Variants in INO80B observed in about 807,000 individuals in gnomAD.
INO80B encodes IES2 homolog.
INO80B carries 18 observed loss-of-function variants against 31.4 expected under a neutral mutation model. The ratio of observed to expected loss-of-function variants is 0.57; its 90% CI spans 0.40 to 0.85. The LOEUF is 0.85. Ranked by LOEUF, INO80B falls within the 40% of genes least tolerant of loss-of-function variation. The pLI, the probability that INO80B is intolerant of heterozygous loss-of-function variation, is 0.00. For missense variants in INO80B, 469 were observed against 475.4 expected, an observed-to-expected ratio of 0.99 and a Z score of 0.13; for synonymous variants, 238 against 199.0, an observed-to-expected ratio of 1.20 and a Z score of -1.65.
At chr2:74,457,268 C>G (rs1314472453) in intron 4 of INO80B, 66 bp from the exon 5 acceptor site, 2 of 1,514,342 alleles carry the variant, frequency 1.3e-6, no homozygotes, top group African/African-American at 2.8e-5. Flanking sequence ...CTCCCCCGAT[C>G]TGGCCGACCT....
At chr2:74,456,296 A>T in intron 4 of INO80B, 24 bp downstream of exon 4, 1 of 1,613,022 alleles carries the variant, frequency 6.2e-7, no homozygotes, top group Non-Finnish European at 8.5e-7. Context: ...TTGTTTATTC[A>T]CTCACCAAAT....
At position 74,457,704 on chromosome 2, in the gene INO80B, G is replaced by C; in HGVS notation, c.911G>C (p.Gly304Ala). 6.3e-7 allele frequency: 1 copy of C among 1,599,590 alleles called. No homozygotes were observed. The highest frequency in any genetic ancestry group is 8.5e-7 in the Non-Finnish European group (1 of 1,179,182). Reference sequence around the variant, plus strand: ...GTGTCTCAGCGGCCATCCCCCTCAGGCCCGCCGCCGCGCTGCTCTGTCCCC... The same window carrying C: ...GTGTCTCAGCGGCCATCCCCCTCAGCCCCGCCGCCGCGCTGCTCTGTCCCC... ...TAVSQRPSPS[G>A]PPPRCSVPGC... is the part of the protein sequence containing the mutation. Residue 304 changes from glycine (G) to alanine (A), a missense_variant, in exon 5 of 5, where the codon GGC becomes GCC. By Grantham distance (60) the Gly-to-Ala change is moderately conservative. Transcript: ENST00000233331.
rs774133134 is a variant in INO80B, at chr2:74,457,894, C to T, written c.*30C>T. The T allele has an allele frequency of 2.9e-5, 44 of 1,500,156 alleles. No individual in the cohort carries two copies. In the South Asian group the frequency reaches 5.3e-4, roughly 18 times the overall value. The allele number at this position is 1,500,156 out of a possible 1,614,324, so 92.9% of individuals were successfully genotyped here. On this transcript the variant is annotated 3_prime_UTR_variant, in exon 5 of 5. Transcript: ENST00000233331. ...CTTAACCCGGACTCTGCGCCCCGTC[C>T]CATGCCCGCTCTTGAGTATCTTCCC...
chr2:74,455,488 CAAG>C lies in INO80B; in HGVS notation c.147_149del (p.Lys50del), dbSNP rs1671668453. On this transcript the variant is annotated inframe_deletion, in exon 2 of 5. Transcript: ENST00000233331. ...AACACAAGAAGCACAAGAAGAAACACAAGAAGAAACACCATCAGGAAGAAGACG... is the reference window on the plus strand; with the variant it reads ...AACACAAGAAGCACAAGAAGAAACACAAGAAACACCATCAGGAAGAAGACG... The C allele has an allele frequency of 6.2e-7, 1 of 1,613,988 alleles. No homozygotes were observed. Among genetic ancestry groups the C allele is most frequent in the Non-Finnish European group, 8.5e-7 (1 of 1,180,028 alleles).
chr2:74,456,359 GA>G (rs1225624736), intron 4 of INO80B, 87 bp downstream of exon 4: 1 of 1,351,220 alleles, frequency 7.4e-7, no homozygotes, highest in African/African-American at 1.4e-5. Context: ...TGGCATTGGG[GA>G]TATCGATAGT....
At chr2:74,455,245 C>G (rs1671662193) in intron 1 of INO80B, 71 bp downstream of exon 1, 1 of 1,575,260 alleles carries the variant, frequency 6.3e-7, no homozygotes, top group South Asian at 1.1e-5. Context: ...CTCGGAGAGT[C>G]CAGGGTACTT....
Position 74,457,560 on chromosome 2 carries a change from G to T in INO80B, c.767G>T (p.Gly256Val). ...ACCAGTGGGCGGGGAGGCCGGGGGGGCGCACGGGGCGAGCGGCGGGGAGGG... is the reference window on the plus strand; with the variant it reads ...ACCAGTGGGCGGGGAGGCCGGGGGGTCGCACGGGGCGAGCGGCGGGGAGGG... ...AATSGRGGRG[G>V]ARGERRGGRA... The change falls in exon 5 of 5, where the codon GGC (glycine) becomes GTC (valine). Residue 256 changes from glycine (G) to valine (V), a missense_variant. Transcript: ENST00000233331. 3 of 1,516,824 alleles carry T rather than the reference G, an allele frequency of 2.0e-6. No individual in the cohort carries two copies. The highest frequency in any genetic ancestry group is 2.5e-5 in the East Asian group (1 of 39,768). 94.0% of individuals were successfully genotyped at this position (1,516,824 alleles called of 1,614,324 possible).
rs1301359723 is a variant in INO80B, at chr2:74,457,691, C to T, written c.898C>T (p.Pro300Ser). Residue 300 changes from proline to serine, a missense_variant, in exon 5 of 5, where the codon CCA becomes TCA. Physicochemically the swap from Pro to Ser is moderately conservative, Grantham distance 74 (BLOSUM62 -1). Transcript: ENST00000233331. ...VPAPTAVSQR[P>S]SPSGPPPRCS... ...CGCCCCCACGGCAGTGTCTCAGCGG[C>T]CATCCCCCTCAGGCCCGCCGCCGCG... 6.3e-7 allele frequency: 1 copy of T among 1,599,386 alleles called. No homozygotes were observed.
Position 74,455,415 on chromosome 2 carries a change from T to C in INO80B, c.68T>C (p.Leu23Pro). Residue 23 changes from leucine (L) to proline (P), a missense_variant, in exon 2 of 5, where the codon CTG (leucine) becomes CCG (proline). Physicochemically the swap from Leu to Pro is moderately conservative, Grantham distance 98 (BLOSUM62 -3). This residue lies in a region of INO80B where 223 missense variants were observed against 253.4 expected (regional missense o/e 0.88). Transcript: ENST00000233331. Reference protein sequence around the residue: ...AMEAPEPGEALELSLAGAHGH... With the variant: ...AMEAPEPGEAPELSLAGAHGH... ...GGCTTTCCTTCCACAGGAGAAGCCC[T>C]GGAGTTGAGCCTGGCGGGTGCCCAT... 1 of 1,614,124 alleles carries C rather than the reference T, an allele frequency of 6.2e-7. No individual in the cohort carries two copies. The highest frequency in any genetic ancestry group is 8.5e-7 in the Non-Finnish European group (1 of 1,180,034).
rs545862487 is a variant in INO80B, at chr2:74,455,885, G to A, written c.319G>A (p.Glu107Lys). The part of the protein sequence containing the change: ...SPSPLMVVDN[E>K]EEPMEGVPLE... ...CTCTCCCCTTATGGTTGTGGATAAT[G>A]AAGAGGAACCTATGGAAGGAGTCCC... The change falls in exon 3 of 5, where the codon GAA (glutamate) becomes AAA (lysine). Residue 107 changes from glutamate to lysine, a missense_variant. Around this residue, in one of 3 missense-constraint regions of INO80B, gnomAD observed 223 missense variants for 253.4 expected, o/e 0.88. Coordinates refer to ENST00000233331, the MANE Select transcript of INO80B (RefSeq NM_031288.4). The A allele has an allele frequency of 1.2e-6, 2 of 1,614,020 alleles. No individual in the cohort carries two copies. The highest frequency in any genetic ancestry group is 1.7e-5 in the Admixed American group (1 of 60,022).
rs1358273011 is a variant in INO80B, at chr2:74,456,210, G to T, written c.478G>T (p.Glu160Ter). The T allele has an allele frequency of 6.8e-6, 11 of 1,614,042 alleles. No individual in the cohort carries two copies. Among genetic ancestry groups the T allele is most frequent in the Non-Finnish European group, 9.3e-6 (11 of 1,180,018 alleles). ...QRWLDALEKGELDDNGDLKKE... is the reference protein window; with the variant it reads ...QRWLDALEKG ...GTGGCTGGATGCCCTGGAGAAGGGG[G>T]AGCTGGATGACAATGGAGACCTCAA... The change falls in exon 4 of 5, where the codon GAG (glutamate) becomes TAG (stop). Residue 160 changes from glutamate (E) to a stop codon, truncating the protein, a stop_gained. Transcript: ENST00000233331. LOFTEE classifies it high-confidence loss of function.
intron 1 of INO80B, 85 bp downstream of exon 1, chr2:74,455,259 C>T: frequency 6.4e-7 from 1 of 1,553,932 alleles, no homozygotes; most frequent in Non-Finnish European, 8.9e-7. Flanking sequence ...GGTACTTCGG[C>T]CACAGGTGGC....
intron 4 of INO80B, among the ~76,000 whole-genome samples, chr2:74,456,902 G>C (rs1671720049): frequency 1.3e-5 from 2 of 152,214 alleles, no homozygotes; most frequent in Admixed American, 6.5e-5. Flanking sequence ...CTATATTTTG[G>C]AAGTAGATAC....
chr2:74,456,392 T>C (rs1671702716), intron 4 of INO80B, 120 bp downstream of exon 4: 1 of 954,646 alleles, frequency 1.0e-6, no homozygotes, highest in African/African-American at 1.6e-5. Context: ...AAAGTTTCTG[T>C]TCTCCTGGAG....
chr2:74,456,670 A>G (rs1272228075), intron 4 of INO80B, among the ~76,000 whole-genome samples: 2 of 152,212 alleles, frequency 1.3e-5, no homozygotes, highest in Non-Finnish European at 2.9e-5. Context: ...GGAGAAGAAA[A>G]AGTGGACAAG....
intron 4 of INO80B, 86 bp from the exon 5 acceptor site, chr2:74,457,248 C>A: frequency 7.0e-7 from 1 of 1,426,562 alleles, no homozygotes; most frequent in Non-Finnish European, 9.5e-7. Context: ...TTCCATGTCC[C>A]TTCTTTCCCC....
chr2:74,455,121 G>A lies in INO80B; in HGVS notation c.5G>A (p.Ser2Asn). Residue 2 changes from serine to asparagine, a missense_variant, in exon 1 of 5, where the codon AGT becomes AAT. Ser to Asn is a conservative substitution (Grantham distance 46). Transcript: ENST00000233331. ...CCCCTTTCCTCGCAGGACCTCATGA[G>A]TAAGCTGTGGCGGCGTGGGAGCACC... M[S>N]KLWRRGSTSG... The A allele has an allele frequency of 6.2e-7, 1 of 1,614,220 alleles. No individual in the cohort carries two copies. Among genetic ancestry groups the A allele is most frequent in the Non-Finnish European group, 8.5e-7 (1 of 1,180,026 alleles).
In INO80B at chr2:74,457,875, C is replaced by G; in HGVS notation, c.*11C>G. On this transcript the variant is annotated 3_prime_UTR_variant, in exon 5 of 5. Transcript: ENST00000233331. ...CTTTTGGCTACGTAAGGCCCTTAACCCGGACTCTGCGCCCCGTCCCATGCC... is the reference window on the plus strand; with the variant it reads ...CTTTTGGCTACGTAAGGCCCTTAACGCGGACTCTGCGCCCCGTCCCATGCC... 1 of 1,518,772 alleles carries G rather than the reference C, an allele frequency of 6.6e-7. No homozygotes were observed. Among genetic ancestry groups the G allele is most frequent in the South Asian group, 1.3e-5 (1 of 79,640 alleles). The allele number at this position is 1,518,772 out of a possible 1,614,324, so 94.1% of individuals were successfully genotyped here.
In INO80B at chr2:74,457,868, C is replaced by G. The variant is rs1182754117; in HGVS notation, c.*4C>G. ...ATCCCCCCTTTTGGCTACGTAAGGCCCTTAACCCGGACTCTGCGCCCCGTC... is the reference window on the plus strand; with the variant it reads ...ATCCCCCCTTTTGGCTACGTAAGGCGCTTAACCCGGACTCTGCGCCCCGTC... On this transcript the variant is annotated 3_prime_UTR_variant, in exon 5 of 5. Coordinates refer to ENST00000233331, the MANE Select transcript of INO80B (RefSeq NM_031288.4). The G allele has an allele frequency of 6.5e-6, 10 of 1,530,866 alleles. No individual in the cohort carries two copies. The highest frequency in any genetic ancestry group is 8.7e-6 in the Non-Finnish European group (10 of 1,146,102). The allele number at this position is 1,530,866 out of a possible 1,614,324, so 94.8% of individuals were successfully genotyped here.
Sources: allele counts gnomAD v4.1 joint callset (sites outside exome capture counted in the v4.1 genomes callset), GRCh38; gene constraint gnomAD v4.1.1; regional missense constraint gnomAD v4.1.1; transcripts MANE v1.5; gene names NCBI Gene and HGNC (gene_info 2026-07-23, HGNC 2026-07-21).